Variants in ERC1 observed in about 807,000 individuals in gnomAD.
The protein encoded by ERC1 is ELKS/RAB6-interacting/CAST family member 1.
In ERC1, 56 loss-of-function variants were observed where a neutral mutation model predicts 132.0. The ratio of observed to expected loss-of-function variants is 0.42; its 90% CI spans 0.34 to 0.53. The LOEUF is 0.53. Ranked by LOEUF, ERC1 falls within the 20% of genes least tolerant of loss-of-function variation. ERC1 has a pLI of 0.03. For missense variants in ERC1, 1,202 were observed against 1,349.9 expected (o/e 0.89, Z 1.72); for synonymous variants, 478 against 476.1 (o/e 1.00, Z -0.05).
Position 1,093,981 on chromosome 12 carries a change from A to ATATATATATATATATATATT in ERC1, c.1086+10405_1086+10406insTATATATATATATATTTATA, listed in dbSNP as rs1555236298. On this transcript the variant is annotated intron_variant, in intron 3 of 18. Coordinates refer to ENST00000360905, the MANE Select transcript of ERC1 (RefSeq NM_178040.4). ...TCTATATATATATATATATATATATATATAGAAAAACATAGAAAATGAATA... is the reference window on the plus strand; with the variant it reads ...TCTATATATATATATATATATATATATATATATATATATATATATTTATAGAAAAACATAGAAAATGAATA... Among the ~76,000 whole-genome samples the ATATATATATATATATATATT allele has an allele frequency of 3.3e-3, 434 of 131,970 alleles. 9 individuals carry two copies. Among genetic ancestry groups the ATATATATATATATATATATT allele is most frequent in the Middle Eastern group, 7.6e-3 (2 of 262 alleles). The allele number at this position is 131,970 out of a possible 152,430, so 86.6% of individuals were successfully genotyped here.
At chr12:1,466,528 G>A (rs537011675) in intron 18 of ERC1, among the ~76,000 whole-genome samples, 20 of 152,158 alleles carry the variant, frequency 1.3e-4, no homozygotes, top group South Asian at 6.2e-4. Context: ...AACAACTTCC[G>A]AACCTAACTA....
intron 8 of ERC1, among the ~76,000 whole-genome samples, chr12:1,143,256 C>G (rs1950014247): frequency 1.3e-5 from 2 of 151,908 alleles, no homozygotes. Context: ...TGGTCTCAAA[C>G]TCCTGGCCCT....
At chr12:1,123,285 C>T (rs962828445) in intron 7 of ERC1, among the ~76,000 whole-genome samples, 23 of 151,542 alleles carry the variant, frequency 1.5e-4, no homozygotes, top group Admixed American at 1.3e-3. Context: ...CCCAGTTTAC[C>T]CAGTGGAGAA....
intron 16 of ERC1, among the ~76,000 whole-genome samples, chr12:1,394,024 A>AC (rs1395912258): frequency 9.3e-6 from 1 of 107,788 alleles, no homozygotes; most frequent in Non-Finnish European, 1.9e-5. Context: ...TCAAAAAAAA[A>AC]AAAAAAAAAC....
At chr12:1,162,221 TC>T (rs995795374) in intron 8 of ERC1, among the ~76,000 whole-genome samples, 7 of 152,344 alleles carry the variant, frequency 4.6e-5, no homozygotes, top group Non-Finnish European at 5.9e-5. Flanking sequence ...CCCAGGGTTC[TC>T]CCCTATGGTT....
intron 18 of ERC1, among the ~76,000 whole-genome samples, chr12:1,464,511 CTTTTTTTTT>C (rs34542821): frequency 5.9e-5 from 4 of 67,398 alleles, no homozygotes; most frequent in Non-Finnish European, 1.1e-4. Flanking sequence ...ATGCAAAAGC[CTTTTTTTTT>C]TTTTTTTTTT....
At chr12:1,433,414 G>T (rs1488805971) in intron 17 of ERC1, among the ~76,000 whole-genome samples, 1 of 152,122 alleles carries the variant, frequency 6.6e-6, no homozygotes, top group Non-Finnish European at 1.5e-5. Flanking sequence ...GCTTTCTTCT[G>T]GTGTACAGAA....
At chr12:1,421,322 T>G (rs907900391) in intron 17 of ERC1, among the ~76,000 whole-genome samples, 1 of 152,176 alleles carries the variant, frequency 6.6e-6, no homozygotes, top group Non-Finnish European at 1.5e-5. Flanking sequence ...GGTTTAATTA[T>G]CTCAAGGCAG....
intron 15 of ERC1, among the ~76,000 whole-genome samples, chr12:1,293,268 C>T (rs1223403601): frequency 2.0e-5 from 3 of 150,968 alleles, no homozygotes; most frequent in Non-Finnish European, 4.4e-5. Flanking sequence ...TCCTGGCTAA[C>T]ACGGTGAACC....
intron 18 of ERC1, among the ~76,000 whole-genome samples, chr12:1,489,349 T>C (rs1256277236): frequency 6.6e-6 from 1 of 152,174 alleles, no homozygotes; most frequent in Admixed American, 6.5e-5. Flanking sequence ...GCAGACACTC[T>C]TAGGGCTGCC....
chr12:1,269,818 T>A (rs1334035461), intron 14 of ERC1, among the ~76,000 whole-genome samples: 1 of 152,198 alleles, frequency 6.6e-6, no homozygotes, highest in Non-Finnish European at 1.5e-5. Context: ...ATTCTCCTTT[T>A]TCATTTTCCC....
rs2094313280 is a variant in ERC1 at position 1,490,992 on chromosome 12, G to A, written c.*762G>A. 4.3e-6 allele frequency: 1 copy of A among 232,786 alleles called. No homozygotes were observed. The highest frequency in any genetic ancestry group is 5.6e-5 in the Admixed American group (1 of 17,776). 14.4% of individuals were successfully genotyped at this position (232,786 alleles called of 1,614,324 possible). ...TTGAGACTGTTGACGTTATCATACT[G>A]AGGTGTTAGATCAAATATCTCTAAT... is the stretch of plus-strand genomic sequence containing the variant. On this transcript the variant is annotated 3_prime_UTR_variant, in exon 19 of 19. Coordinates refer to ENST00000360905, the MANE Select transcript of ERC1 (RefSeq NM_178040.4).
intron 12 of ERC1, among the ~76,000 whole-genome samples, chr12:1,227,719 C>T (rs1019244353): frequency 7.2e-5 from 11 of 152,136 alleles, no homozygotes; most frequent in Non-Finnish European, 1.2e-4. Flanking sequence ...TCCAAAAAAT[C>T]ATTGTGCAGA....
chr12:1,478,375 A>G (rs565105876), intron 18 of ERC1, among the ~76,000 whole-genome samples: 58 of 152,062 alleles, frequency 3.8e-4, no homozygotes, highest in African/African-American at 1.4e-3. Context: ...TGTCTTGCCT[A>G]TTTTTCATTA....
At chr12:1,248,439 A>G (rs2076283275) in intron 13 of ERC1, among the ~76,000 whole-genome samples, 1 of 152,238 alleles carries the variant, frequency 6.6e-6, no homozygotes, top group Non-Finnish European at 1.5e-5. Context: ...TTAGGTAGTG[A>G]CATCAGAGGA....
chr12:1,265,200 C>T (rs576172560), intron 14 of ERC1, among the ~76,000 whole-genome samples: 1 of 152,124 alleles, frequency 6.6e-6, no homozygotes, highest in East Asian at 1.9e-4. Flanking sequence ...TGATTTTACC[C>T]TTTTTATATT....
intron 15 of ERC1, among the ~76,000 whole-genome samples, chr12:1,333,413 A>G (rs994665901): frequency 2.0e-5 from 3 of 148,528 alleles, no homozygotes; most frequent in African/African-American, 7.5e-5. Context: ...GCTCACTGCA[A>G]TCTCTGCCTC....
At chr12:1,464,100 C>A (rs16928468) in intron 18 of ERC1, among the ~76,000 whole-genome samples, 27,117 of 152,010 alleles carry the variant, frequency 0.18, 5,010 homozygotes, top group African/African-American at 0.47. Flanking sequence ...TACGCAGTTG[C>A]AATGACACAG....
Position 1,383,222 on chromosome 12 carries a change from G to A in ERC1, c.2925+11245G>A, listed in dbSNP as rs116892200. Among the ~76,000 whole-genome samples, 156 of 152,194 alleles carry A rather than the reference G, an allele frequency of 1.0e-3. 2 individuals are homozygous for A. The East Asian group carries it at 0.028, about 27-fold the overall frequency. ...ATCAACCTAGGTTTCCTGCCCATAC[G>A]CTGGTGCCCTCCTCTCCCTGTTTCT... On this transcript the variant is annotated intron_variant, in intron 16 of 18. Transcript: ENST00000360905.
Sources: gnomAD v4.1 joint callset for allele counts (sites outside exome capture counted in the v4.1 genomes callset) on GRCh38, gnomAD v4.1.1 for gene constraint, MANE v1.5 for transcripts, NCBI Gene and HGNC (gene_info 2026-07-23, HGNC 2026-07-21) for gene names.